TRPM3: variants seen among roughly 807,000 people sequenced by gnomAD.
The protein encoded by TRPM3 is long transient receptor potential channel 3.
TRPM3 carries 77 observed loss-of-function variants against 181.2 expected under a neutral mutation model. The ratio of observed to expected loss-of-function variants is 0.42; its 90% CI spans 0.35 to 0.51. The LOEUF (loss-of-function observed/expected upper bound fraction) is 0.51, where lower values mean the gene tolerates loss of function less well. Among genes scored for constraint, TRPM3 ranks in the 20% least tolerant of loss-of-function variants. The pLI is 0.01. For missense variants in TRPM3, 1,759 were observed against 2,196.7 expected (o/e 0.80, Z 3.98); for synonymous variants, 745 against 796.4 (o/e 0.94, Z 1.09).
chr9:71,225,444 C>G (rs544597599), intron 1 of TRPM3, among the ~76,000 whole-genome samples: 1 of 152,100 alleles, frequency 6.6e-6, no homozygotes, highest in Non-Finnish European at 1.5e-5. Context: ...CTAATGGATT[C>G]CATCAAAACC....
At position 70,874,153 on chromosome 9, in the gene TRPM3, A is replaced by G. The variant is rs186520991; in HGVS notation, c.178-9642T>C. 2.6e-5 allele frequency among the ~76,000 whole-genome samples: 4 copies of G among 152,094 alleles called. No individual in the cohort carries two copies. In the East Asian group the frequency reaches 7.8e-4, roughly 30 times the overall value. On this transcript the variant is annotated intron_variant, in intron 1 of 25. Coordinates refer to ENST00000677713, the MANE Select transcript of TRPM3 (RefSeq NM_001366145.2). ...GTCATGCTGTGTAAATCATACTTAA[A>G]TATATTCAGAATGTTCATGTAGCAT...
At chr9:70,581,828 CTCTT>C (rs1038385592) in intron 22 of TRPM3, among the ~76,000 whole-genome samples, 3 of 152,062 alleles carry the variant, frequency 2.0e-5, no homozygotes, top group African/African-American at 7.2e-5. Flanking sequence ...ACACAGCTCT[CTCTT>C]CCTTCCTCTG....
At chr9:70,803,426 G>GC (rs567511906) in intron 6 of TRPM3, among the ~76,000 whole-genome samples, 63 of 149,426 alleles carry the variant, frequency 4.2e-4, no homozygotes, top group African/African-American at 1.4e-3. Flanking sequence ...CCTGAGCTCC[G>GC]CCCCCCACCG....
At chr9:71,141,781 T>A (rs1334152430) in intron 1 of TRPM3, among the ~76,000 whole-genome samples, 23 of 152,200 alleles carry the variant, frequency 1.5e-4, no homozygotes, top group African/African-American at 5.5e-4. Context: ...TTCACTCATG[T>A]CTGTCGTTCT....
rs1590081422 is a variant in TRPM3 at position 70,958,846 on chromosome 9, T to C, written c.178-94335A>G. 2.6e-5 allele frequency among the ~76,000 whole-genome samples: 4 copies of C among 152,068 alleles called. No individual in the cohort carries two copies. The East Asian group carries it at 7.7e-4, about 29-fold the overall frequency. On this transcript the variant is annotated intron_variant, in intron 1 of 25. Transcript: ENST00000677713. Reference sequence around the variant, plus strand: ...GTAGCCATAAAAAATGATGAGTTCATGTCCTTTGTAGGGACATGGATGAAA... The same window carrying C: ...GTAGCCATAAAAAATGATGAGTTCACGTCCTTTGTAGGGACATGGATGAAA...
chr9:70,998,228 TACAC>T (rs34038564), intron 1 of TRPM3, among the ~76,000 whole-genome samples: 10,934 of 143,308 alleles, frequency 0.076, 438 homozygotes, highest in African/African-American at 0.095. Context: ...TATATACATA[TACAC>T]ACACACACAC....
intron 1 of TRPM3, among the ~76,000 whole-genome samples, chr9:70,962,805 G>C (rs1358282113): frequency 2.0e-5 from 3 of 152,064 alleles, no homozygotes; most frequent in Non-Finnish European, 4.4e-5. Context: ...TGAAAGAATG[G>C]AAAGAGAAAC....
chr9:71,171,035 C>A (rs950764602), intron 1 of TRPM3, among the ~76,000 whole-genome samples: 1 of 152,142 alleles, frequency 6.6e-6, no homozygotes, highest in South Asian at 2.1e-4. Context: ...AAACAGCCCC[C>A]CCCAGGTGCT....
At chr9:70,582,196 G>A (rs1380060072) in intron 22 of TRPM3, among the ~76,000 whole-genome samples, 1 of 151,832 alleles carries the variant, frequency 6.6e-6, no homozygotes, top group Non-Finnish European at 1.5e-5. Context: ...GTGTGTGTGT[G>A]TGTGTGTGTG....
At chr9:70,567,525 T>A (rs1201834249) in intron 22 of TRPM3, among the ~76,000 whole-genome samples, 2 of 152,138 alleles carry the variant, frequency 1.3e-5, no homozygotes, top group Non-Finnish European at 2.9e-5. Context: ...CATTTTTTTT[T>A]AAATATGGCC....
At chr9:70,540,669 C>T (rs748806616) in intron 25 of TRPM3, among the ~76,000 whole-genome samples, 51 of 152,332 alleles carry the variant, frequency 3.3e-4, no homozygotes, top group Non-Finnish European at 4.1e-4. Context: ...CCCAGCACTA[C>T]AGACAGCCTG....
chr9:71,082,397 C>G (rs184492429), intron 1 of TRPM3, among the ~76,000 whole-genome samples: 10 of 152,248 alleles, frequency 6.6e-5, no homozygotes, highest in African/African-American at 2.2e-4. Flanking sequence ...TATCATTTTA[C>G]TGTTCTGTAA....
chr9:70,763,652 T>C (rs974447523), intron 7 of TRPM3, among the ~76,000 whole-genome samples: 2 of 152,212 alleles, frequency 1.3e-5, no homozygotes, highest in Non-Finnish European at 2.9e-5. Context: ...GTTTAGTCAT[T>C]CAACAAATGC....
intron 12 of TRPM3, among the ~76,000 whole-genome samples, chr9:70,629,346 T>C (rs1301724499): frequency 6.6e-6 from 1 of 152,000 alleles, no homozygotes; most frequent in Non-Finnish European, 1.5e-5. Flanking sequence ...TTTTGTTTTT[T>C]TCTTTTGAGA....
intron 1 of TRPM3, among the ~76,000 whole-genome samples, chr9:71,025,802 A>C (rs1369949469): frequency 1.3e-5 from 2 of 152,146 alleles, no homozygotes; most frequent in Admixed American, 6.5e-5. Flanking sequence ...AGCCAGGAGG[A>C]ACATCTCCCA....
chr9:70,793,410 G>A (rs1441344965), intron 6 of TRPM3, among the ~76,000 whole-genome samples: 2 of 147,340 alleles, frequency 1.4e-5, no homozygotes, highest in African/African-American at 2.5e-5. Context: ...GAGCCCTGAG[G>A]GTGCCATTGC....
At chr9:70,820,623 G>A (rs1446631671) in intron 6 of TRPM3, among the ~76,000 whole-genome samples, 1 of 152,194 alleles carries the variant, frequency 6.6e-6, no homozygotes, top group African/African-American at 2.4e-5. Flanking sequence ...GTGAGGCTGT[G>A]TAGACATGGC....
At chr9:71,070,911 G>A (rs916939376) in intron 1 of TRPM3, among the ~76,000 whole-genome samples, 5 of 152,130 alleles carry the variant, frequency 3.3e-5, no homozygotes, top group African/African-American at 1.2e-4. Context: ...CATAACTGCT[G>A]CTTTAAAAGA....
intron 19 of TRPM3, among the ~76,000 whole-genome samples, chr9:70,605,225 G>A (rs1405944350): frequency 6.6e-6 from 1 of 152,000 alleles, no homozygotes; most frequent in East Asian, 1.9e-4. Context: ...TAAAGTGCTG[G>A]GATTACAGGT....
Sources: allele counts gnomAD v4.1 joint callset (sites outside exome capture counted in the v4.1 genomes callset), GRCh38; gene constraint gnomAD v4.1.1; transcripts MANE v1.5; gene names NCBI Gene and HGNC (gene_info 2026-07-23, HGNC 2026-07-21).